RALGDS: variants seen among roughly 807,000 people sequenced by gnomAD.
RALGDS encodes the protein ral guanine nucleotide exchange factor.
A neutral mutation model predicts 99.8 loss-of-function variants in RALGDS; 44 were observed. The ratio of observed to expected loss-of-function variants is 0.44; its 90% CI spans 0.35 to 0.57. RALGDS has a LOEUF of 0.57. Among genes scored for constraint, RALGDS ranks in the 20% least tolerant of loss-of-function variants. RALGDS has a pLI of 0.01. For synonymous variants in RALGDS, 529 were observed against 505.0 expected (o/e 1.05, Z -0.64); for missense variants, 1,022 against 1,203.1 (o/e 0.85, Z 2.23).
At chr9:133,114,095 G>C (rs1211125600) in intron 1 of RALGDS, among the ~76,000 whole-genome samples, 1 of 152,212 alleles carries the variant, frequency 6.6e-6, no homozygotes, top group Non-Finnish European at 1.5e-5. Context: ...AGCTGGCCCA[G>C]CCCTGCTTGG....
At chr9:133,116,957 C>A (rs555799461) in intron 1 of RALGDS, among the ~76,000 whole-genome samples, 1 of 152,358 alleles carries the variant, frequency 6.6e-6, no homozygotes, top group East Asian at 1.9e-4. Context: ...TCAGGTCACA[C>A]AGCAAATTCG....
intron 1 of RALGDS, among the ~76,000 whole-genome samples, chr9:133,139,082 T>A (rs1832474138): frequency 6.6e-6 from 1 of 152,140 alleles, no homozygotes; most frequent in Non-Finnish European, 1.5e-5. Flanking sequence ...TCAGCCACTG[T>A]CAAGCTTGTC....
At chr9:133,139,022 C>A (rs1476166610) in intron 1 of RALGDS, among the ~76,000 whole-genome samples, 1 of 152,288 alleles carries the variant, frequency 6.6e-6, no homozygotes, top group Non-Finnish European at 1.5e-5. Context: ...CAGGCACCAG[C>A]CATGTGTCCC....
At chr9:133,100,184 C>T (rs375503399) in intron 17 of RALGDS, 84 bp downstream of exon 17, 4 of 1,264,696 alleles carry the variant, frequency 3.2e-6, no homozygotes, top group East Asian at 2.3e-5. Flanking sequence ...GGTGAATTTT[C>T]TGGGGCCAAA....
chr9:133,105,293 G>A (rs187518048), intron 9 of RALGDS, among the ~76,000 whole-genome samples: 30 of 152,302 alleles, frequency 2.0e-4, no homozygotes, highest in East Asian at 7.7e-4. Flanking sequence ...GAGGCCTCGT[G>A]AATCCATTAG....
rs1830707890 is a variant in RALGDS, at chr9:133,100,533, T to C, written c.2455-151A>G. The C allele has an allele frequency of 1.3e-5, 20 of 1,524,584 alleles. No homozygotes were observed. The South Asian group carries it at 2.3e-4, about 18-fold the overall frequency. 94.4% of individuals were successfully genotyped at this position (1,524,584 alleles called of 1,614,324 possible). On this transcript the variant is annotated intron_variant, in intron 16 of 17. Transcript: ENST00000372050. ...GGTGCTGGGTCCGGAGAGGGCCTTG[T>C]CACATTCTCCTACTCCCCAAGTGAG...
chr9:133,133,519 G>C (rs566764570), upstream of RALGDS, among the ~76,000 whole-genome samples: 1 of 152,348 alleles, frequency 6.6e-6, no homozygotes, highest in South Asian at 2.1e-4. Context: ...TCACTGCCTG[G>C]AACGAAGACT....
chr9:133,121,201 G>GGCGGCGGCGCGGCCCGC lies in RALGDS; in HGVS notation c.-64_-48dup, dbSNP rs1280593542. On this transcript the variant is annotated 5_prime_UTR_variant, in exon 1 of 18. Coordinates refer to ENST00000372050, the MANE Select transcript of RALGDS (RefSeq NM_006266.4). ...CGGGGCCGGCCCGGCGCGCGGCGGG[G>GGCGGCGGCGCGGCCCGC]GCGGCGGCGCGGCCCGCGCGGCTGG... 5.6e-6 allele frequency: 5 copies of GGCGGCGGCGCGGCCCGC among 884,958 alleles called. No homozygotes were observed. In the Admixed American group the frequency reaches 3.4e-4, roughly 60 times the overall value. The allele number at this position is 884,958 out of a possible 1,614,324, so 54.8% of individuals were successfully genotyped here. A position where few individuals can be genotyped will look rare whatever the true frequency, so the allele number is the denominator to read the frequency against.
intron 17 of RALGDS, 54 bp downstream of exon 17, chr9:133,100,214 G>T: frequency 6.7e-7 from 1 of 1,497,684 alleles, no homozygotes; most frequent in Non-Finnish European, 9.3e-7. Flanking sequence ...CCTGGGGCTG[G>T]GGAGTGGTGT....
intron 1 of RALGDS, among the ~76,000 whole-genome samples, chr9:133,138,709 G>A (rs1318645334): frequency 3.9e-5 from 6 of 152,056 alleles, no homozygotes; most frequent in Non-Finnish European, 7.4e-5. Context: ...ATCTCGGCTC[G>A]CTGCAACCTC....
intron 1 of RALGDS, among the ~76,000 whole-genome samples, chr9:133,114,712 A>G (rs930322140): frequency 5.9e-5 from 9 of 152,206 alleles, no homozygotes; most frequent in African/African-American, 1.9e-4. Context: ...GGCAGCCGCT[A>G]TGAGCTGACT....
chr9:133,101,282 C>A, intron 16 of RALGDS: 1 of 1,364,626 alleles, frequency 7.3e-7, no homozygotes, highest in South Asian at 1.4e-5. Context: ...CCTCACCTCC[C>A]CTACAGCACC....
At chr9:133,140,874 C>T (rs980475964) in intron 1 of RALGDS, among the ~76,000 whole-genome samples, 3 of 152,142 alleles carry the variant, frequency 2.0e-5, no homozygotes, top group South Asian at 2.1e-4. Context: ...GGCTGTGGGC[C>T]GGCAGCTCCC....
intron 16 of RALGDS, 65 bp downstream of exon 16, chr9:133,101,455 C>T: frequency 1.2e-6 from 2 of 1,605,278 alleles, no homozygotes; most frequent in South Asian, 2.2e-5. Context: ...AGGGATGGTG[C>T]ACTGTGTTCA....
At position 133,144,636 on chromosome 9, in the gene RALGDS, G is replaced by A. The variant is rs1345693192; in HGVS notation, c.18+4327C>T. Among the ~76,000 whole-genome samples, 1 of 152,224 alleles carries A rather than the reference G, an allele frequency of 6.6e-6. No individual in the cohort carries two copies. Among genetic ancestry groups the A allele is most frequent in the African/African-American group, 2.4e-5 (1 of 41,454 alleles). ...TGCCGCCAGAGCGCGCCAAGCTGAG[G>A]AGCAGGCGGGCTCCGCTCACGCCCC... On this transcript the variant is annotated intron_variant, in intron 1 of 17. Transcript: ENST00000393160. This position sits in a 1 kb window ranked among gnomAD's most constrained non-coding sequence, Gnocchi z 4.5.
intron 11 of RALGDS, 159 bp downstream of exon 11, chr9:133,103,588 A>C: frequency 2.4e-6 from 2 of 837,260 alleles, no homozygotes; most frequent in East Asian, 2.5e-5. Flanking sequence ...CACTCAGCCA[A>C]ACCCTGCTGC....
Position 133,112,160 on chromosome 9 carries a change from G to A in RALGDS, c.184-8C>T. The stretch of plus-strand genomic sequence containing the variant: ...GATCTCCTGCGTGGAGCTCTGTGAA[G>A]ACAACGCCCGGCAGCCGGGCGCGGG... On this transcript the variant is annotated splice_region_variant and splice_polypyrimidine_tract_variant and intron_variant, in intron 1 of 17. Transcript: ENST00000372050. The A allele has an allele frequency of 6.4e-7, 1 of 1,551,084 alleles. No homozygotes were observed. Among genetic ancestry groups the A allele is most frequent in the Non-Finnish European group, 8.7e-7 (1 of 1,145,778 alleles).
At chr9:133,147,634 G>A (rs775319758) in intron 1 of RALGDS, among the ~76,000 whole-genome samples, 23 of 152,276 alleles carry the variant, frequency 1.5e-4, no homozygotes, top group Non-Finnish European at 2.6e-4. Context: ...GGACCCTGCC[G>A]GGCTCTCCCT....
chr9:133,145,968 T>C (rs1156273426), intron 1 of RALGDS, among the ~76,000 whole-genome samples: 1 of 152,178 alleles, frequency 6.6e-6, no homozygotes, highest in African/African-American at 2.4e-5. Flanking sequence ...GGAAAGAAAC[T>C]TCTCACAGGG....
Sources: gnomAD v4.1 joint callset for allele counts (sites outside exome capture counted in the v4.1 genomes callset) on GRCh38, gnomAD v4.1.1 for gene constraint, Gnocchi (gnomAD v3.1) non-coding constraint, MANE v1.5 for transcripts, NCBI Gene and HGNC (gene_info 2026-07-23, HGNC 2026-07-21) for gene names.